The following PRICKLE1 variants were observed in gnomAD, a reference collection of about 807,000 sequenced individuals.
PRICKLE1 encodes prickle-like protein 1.
Under a neutral mutation model 70.2 loss-of-function variants are expected in PRICKLE1, and 14 were observed. That is an observed-to-expected ratio of 0.20 (90% CI 0.13 to 0.31). The LOEUF is 0.31. Among genes scored for constraint, PRICKLE1 ranks in the 10% least tolerant of loss-of-function variants. PRICKLE1 has a pLI of 1.00. For missense variants in PRICKLE1, 821 were observed against 1,026.2 expected, an observed-to-expected ratio of 0.80 and a Z score of 2.73; for synonymous variants, 357 against 379.9, an observed-to-expected ratio of 0.94 and a Z score of 0.70.
intron 1 of PRICKLE1, among the ~76,000 whole-genome samples, chr12:42,566,201 G>A (rs1252345866): frequency 6.6e-6 from 1 of 152,176 alleles, no homozygotes; most frequent in Non-Finnish European, 1.5e-5. Flanking sequence ...GTTATTGAAT[G>A]GGACGAAAGA....
intron 1 of PRICKLE1, among the ~76,000 whole-genome samples, chr12:42,563,450 A>C (rs1940562450): frequency 6.6e-6 from 1 of 151,960 alleles, no homozygotes; most frequent in Non-Finnish European, 1.5e-5. Flanking sequence ...CTGTAATCAC[A>C]GCACTTTGAG....
At chr12:42,559,647 G>A in intron 1 of PRICKLE1, among the ~76,000 whole-genome samples, 1 of 117,770 alleles carries the variant, frequency 8.5e-6, no homozygotes, top group Non-Finnish European at 1.8e-5. Context: ...GGGGGGGGTA[G>A]AGATGGGGGC....
At chr12:42,552,136 G>A (rs1302403000) in intron 1 of PRICKLE1, among the ~76,000 whole-genome samples, 4 of 146,720 alleles carry the variant, frequency 2.7e-5, no homozygotes, top group Non-Finnish European at 5.9e-5. Context: ...ATGCAACCTC[G>A]GCTCACTACA....
chr12:42,557,949 G>C (rs1026598633), intron 1 of PRICKLE1, among the ~76,000 whole-genome samples: 5 of 152,066 alleles, frequency 3.3e-5, no homozygotes, highest in African/African-American at 1.2e-4. Context: ...TAGCAGGCTA[G>C]AGTCATTAAA....
intron 1 of PRICKLE1, among the ~76,000 whole-genome samples, chr12:42,486,110 C>T (rs1184527076): frequency 1.3e-5 from 2 of 152,128 alleles, no homozygotes. Context: ...GAAAGGAAGC[C>T]CAAAAATTCA....
chr12:42,551,076 AT>A lies in PRICKLE1; in HGVS notation c.-49+38388del, dbSNP rs549545853. On this transcript the variant is annotated intron_variant, in intron 1 of 7. Transcript: ENST00000345127. ...ATTGAGGAAGCCTGCTAGACTATGT[AT>A]TTTTTTAATAATTAAAGCCAATTGC... Among the ~76,000 whole-genome samples, 464 of 152,326 alleles carry A rather than the reference AT, an allele frequency of 3.0e-3. 2 individuals carry two copies. The highest frequency in any genetic ancestry group is 0.01 in the African/African-American group (435 of 41,572).
intron 1 of PRICKLE1, among the ~76,000 whole-genome samples, chr12:42,530,186 C>A (rs138890965): frequency 6.6e-6 from 1 of 152,032 alleles, no homozygotes; most frequent in South Asian, 2.1e-4. Flanking sequence ...TCAAGTGATC[C>A]GCCTGCCTCG....
At chr12:42,534,556 A>G (rs187091007) in intron 1 of PRICKLE1, among the ~76,000 whole-genome samples, 201 of 152,330 alleles carry the variant, frequency 1.3e-3, no homozygotes, top group Non-Finnish European at 5.3e-4. Flanking sequence ...CTTTACACAT[A>G]AGAATGGGTT....
intron 1 of PRICKLE1, among the ~76,000 whole-genome samples, chr12:42,552,059 CTTTT>C (rs201217516): frequency 2.6e-4 from 34 of 129,254 alleles, no homozygotes; most frequent in African/African-American, 4.9e-4. Context: ...AAGAAAGTTA[CTTTT>C]TTTTTTTTTT....
intron 1 of PRICKLE1, chr12:42,584,425 C>A (rs559408647): frequency 6.6e-6 from 1 of 152,232 alleles, no homozygotes; most frequent in African/African-American, 2.4e-5. Flanking sequence ...ATAAATGTTT[C>A]TTTAAAATTC....
intron 1 of PRICKLE1, among the ~76,000 whole-genome samples, chr12:42,538,617 T>TA (rs1940054417): frequency 6.6e-6 from 1 of 152,178 alleles, no homozygotes; most frequent in Non-Finnish European, 1.5e-5. Flanking sequence ...TTTTCCCTTC[T>TA]CTGAACTTCT....
At chr12:42,569,526 A>G (rs1418668936) in intron 1 of PRICKLE1, among the ~76,000 whole-genome samples, 2 of 152,208 alleles carry the variant, frequency 1.3e-5, no homozygotes. Flanking sequence ...ATATTTAACT[A>G]TCTGGACTCA....
chr12:42,551,477 A>G (rs557658448), intron 1 of PRICKLE1, among the ~76,000 whole-genome samples: 17 of 152,288 alleles, frequency 1.1e-4, no homozygotes, highest in Admixed American at 9.8e-4. Flanking sequence ...GCAGATGTGG[A>G]GGGTCCCAGA....
intron 1 of PRICKLE1, among the ~76,000 whole-genome samples, chr12:42,478,306 C>T (rs1938649962): frequency 6.6e-6 from 1 of 152,148 alleles, no homozygotes; most frequent in South Asian, 2.1e-4. Context: ...ATTAACCAAT[C>T]CTGTGCTAAG....
At position 42,460,106 on chromosome 12, in the gene PRICKLE1, C is replaced by T. The variant is rs1442190531; in HGVS notation, c.2199G>A (p.Gln733=). The T allele has an allele frequency of 6.2e-7, 1 of 1,614,150 alleles. No homozygotes were observed. Among genetic ancestry groups the T allele is most frequent in the Non-Finnish European group, 8.5e-7 (1 of 1,180,034 alleles). The change falls in exon 8 of 8, where the codon CAG becomes CAA. Residue 733 remains glutamine (Q), a synonymous_variant. Coordinates refer to ENST00000345127, the MANE Select transcript of PRICKLE1 (RefSeq NM_153026.3). ...AYIQNADLYG[Q]YAHATSDYGL... ...CATAATCGGAAGTGGCATGGGCGTA[C>T]TGTCCGTAGAGATCAGCATTCTGGA...
chr12:42,462,472 G>GACTGCAGGTGTGAGCT (rs1276066348), intron 7 of PRICKLE1, among the ~76,000 whole-genome samples: 1 of 152,154 alleles, frequency 6.6e-6, no homozygotes, highest in African/African-American at 2.4e-5. Context: ...AAAGTGCTGG[G>GACTGCAGGTGTGAGCT]ACTGCAGGTG....
At chr12:42,477,010 GTAT>G (rs1938563932) in intron 1 of PRICKLE1, among the ~76,000 whole-genome samples, 2 of 152,092 alleles carry the variant, frequency 1.3e-5, no homozygotes, top group Non-Finnish European at 2.9e-5. Context: ...CTATTCTTAA[GTAT>G]ATCAGTCGGG....
chr12:42,577,766 G>A (rs1223652913), intron 1 of PRICKLE1, among the ~76,000 whole-genome samples: 1 of 152,130 alleles, frequency 6.6e-6, no homozygotes, highest in Non-Finnish European at 1.5e-5. Context: ...TTATGTAAAA[G>A]CATTTAATAT....
intron 1 of PRICKLE1, among the ~76,000 whole-genome samples, chr12:42,536,506 C>T (rs914200149): frequency 6.6e-6 from 1 of 152,168 alleles, no homozygotes; most frequent in African/African-American, 2.4e-5. Context: ...TTCCTGAACT[C>T]ACAGTCCCGT....
Sources: allele counts gnomAD v4.1 joint callset (sites outside exome capture counted in the v4.1 genomes callset), GRCh38; gene constraint gnomAD v4.1.1; transcripts MANE v1.5; gene names NCBI Gene and HGNC (gene_info 2026-07-23, HGNC 2026-07-21).